Variants in TBCA observed in about 807,000 individuals in gnomAD.
The protein encoded by TBCA is tubulin-specific chaperone A.
TBCA carries 6 observed loss-of-function variants against 15.8 expected under a neutral mutation model. The ratio of observed to expected loss-of-function variants is 0.38; its 90% CI spans 0.21 to 0.75. The LOEUF is 0.75. TBCA is among the 30% of genes least tolerant of loss of function. TBCA has a pLI of 0.46. For synonymous variants in TBCA, 32 were observed against 42.3 expected (o/e 0.76, Z 0.94); for missense variants, 90 against 131.2 (o/e 0.69, Z 1.53).
chr5:77,771,811 T>C (rs746512853), intron 1 of TBCA, among the ~76,000 whole-genome samples: 31 of 152,326 alleles, frequency 2.0e-4, no homozygotes, highest in Non-Finnish European at 3.4e-4. Flanking sequence ...CCAGGTCTAA[T>C]CAGAAACTAA....
intron 1 of TBCA, among the ~76,000 whole-genome samples, chr5:77,708,955 T>A (rs926561922): frequency 1.3e-5 from 2 of 151,516 alleles, no homozygotes; most frequent in Non-Finnish European, 2.9e-5. Flanking sequence ...AAAATTAGTA[T>A]ATACCAATAT....
At chr5:77,734,151 C>CA (rs1239067888) in intron 1 of TBCA, among the ~76,000 whole-genome samples, 2 of 152,158 alleles carry the variant, frequency 1.3e-5, no homozygotes, top group Non-Finnish European at 2.9e-5. Flanking sequence ...CCTAGTCAGC[C>CA]AAAAGCTCTG....
intron 1 of TBCA, among the ~76,000 whole-genome samples, chr5:77,747,644 T>C (rs1194622953): frequency 6.6e-6 from 1 of 152,152 alleles, no homozygotes; most frequent in South Asian, 2.1e-4. Flanking sequence ...CGAATCACTT[T>C]CATCAGTTTA....
intron 1 of TBCA, among the ~76,000 whole-genome samples, chr5:77,720,470 T>C (rs555935233): frequency 8.5e-5 from 13 of 152,268 alleles, no homozygotes; most frequent in Non-Finnish European, 1.9e-4. Flanking sequence ...TCCCAGCACT[T>C]TGGGAGGCCG....
intron 1 of TBCA, among the ~76,000 whole-genome samples, chr5:77,743,863 G>C (rs185206895): frequency 4.1e-4 from 63 of 152,206 alleles, no homozygotes; most frequent in African/African-American, 1.5e-3. Context: ...GTAGGCACTA[G>C]GCATATAATG....
At chr5:77,734,896 G>A (rs907300832) in intron 1 of TBCA, among the ~76,000 whole-genome samples, 2 of 152,196 alleles carry the variant, frequency 1.3e-5, no homozygotes, top group African/African-American at 4.8e-5. Flanking sequence ...AGCCATCAAC[G>A]TTGAGGCAAG....
intron 2 of TBCA, among the ~76,000 whole-genome samples, chr5:77,698,707 C>T (rs187307413): frequency 6.6e-6 from 1 of 152,224 alleles, no homozygotes; most frequent in African/African-American, 2.4e-5. Context: ...TACAGCAACA[C>T]CACACAAAGA....
chr5:77,744,963 G>GT (rs975807975), intron 1 of TBCA, among the ~76,000 whole-genome samples: 26 of 152,278 alleles, frequency 1.7e-4, no homozygotes, highest in African/African-American at 6.3e-4. Context: ...TCCCAGCTGT[G>GT]TATCTTTGGG....
At chr5:77,728,441 A>G (rs1746679639) in intron 1 of TBCA, among the ~76,000 whole-genome samples, 1 of 152,220 alleles carries the variant, frequency 6.6e-6, no homozygotes, top group Non-Finnish European at 1.5e-5. Context: ...AACCAGTATT[A>G]TAAACAGCAA....
intron 1 of TBCA, among the ~76,000 whole-genome samples, chr5:77,730,942 A>T (rs1746754340): frequency 6.6e-6 from 1 of 152,204 alleles, no homozygotes. Context: ...CATGTGACAT[A>T]CTTTAAGCAA....
chr5:77,776,307 G>T lies in TBCA; in HGVS notation c.-50C>A, dbSNP rs373845989. 236 of 1,552,744 alleles carry T rather than the reference G, an allele frequency of 1.5e-4. No individual in the cohort carries two copies. In the African/African-American group the frequency reaches 2.9e-3, roughly 19 times the overall value. On this transcript the variant is annotated 5_prime_UTR_variant, in exon 1 of 4. Transcript: ENST00000380377. ...AGGGGCGGAGAGCCGGGGTAACCGTGGAGGGCGACGCGCAGAGGCTGCGGC... is the reference window on the plus strand; with the variant it reads ...AGGGGCGGAGAGCCGGGGTAACCGTTGAGGGCGACGCGCAGAGGCTGCGGC...
At chr5:77,775,478 C>A (rs534728663) in intron 1 of TBCA, among the ~76,000 whole-genome samples, 21 of 152,346 alleles carry the variant, frequency 1.4e-4, no homozygotes, top group Non-Finnish European at 1.6e-4. Flanking sequence ...GCCTTGGGCA[C>A]ATGTCATCAG....
chr5:77,736,755 A>T (rs749254948), intron 1 of TBCA, among the ~76,000 whole-genome samples: 1 of 152,278 alleles, frequency 6.6e-6, no homozygotes, highest in Non-Finnish European at 1.5e-5. Flanking sequence ...TCAACTCACC[A>T]ATCAGTGGAA....
At chr5:77,709,567 C>A (rs1304725169) in intron 1 of TBCA, among the ~76,000 whole-genome samples, 1 of 152,132 alleles carries the variant, frequency 6.6e-6, no homozygotes, top group Non-Finnish European at 1.5e-5. Flanking sequence ...AAATTGGAGC[C>A]ATCAAACATT....
At chr5:77,715,104 C>A in intron 1 of TBCA, 1 of 611,632 alleles carries the variant, frequency 1.6e-6, no homozygotes, top group Non-Finnish European at 2.9e-6. Context: ...GAGAAGAGGA[C>A]ACATGAGTTA....
intron 1 of TBCA, among the ~76,000 whole-genome samples, chr5:77,743,441 C>T (rs768659801): frequency 1.3e-5 from 2 of 152,216 alleles, no homozygotes; most frequent in Non-Finnish European, 2.9e-5. Context: ...CTGGAAGAGT[C>T]ATCAGACTAC....
At chr5:77,759,042 T>C (rs1409911718) in intron 1 of TBCA, among the ~76,000 whole-genome samples, 2 of 152,294 alleles carry the variant, frequency 1.3e-5, no homozygotes, top group East Asian at 3.9e-4. Flanking sequence ...CACCTGACGG[T>C]CACCTGACAC....
chr5:77,724,275 C>G (rs1746584715), intron 1 of TBCA, among the ~76,000 whole-genome samples: 1 of 152,040 alleles, frequency 6.6e-6, no homozygotes, highest in South Asian at 2.1e-4. Context: ...ATGATCTACT[C>G]TCTCCAAAGA....
intron 1 of TBCA, among the ~76,000 whole-genome samples, chr5:77,756,339 T>C (rs1380744135): frequency 6.6e-6 from 1 of 150,638 alleles, no homozygotes; most frequent in African/African-American, 2.5e-5. Context: ...GGGAGTTCCC[T>C]GTAGGGCTGC....
Sources: gnomAD v4.1 joint callset for allele counts (sites outside exome capture counted in the v4.1 genomes callset) on GRCh38, gnomAD v4.1.1 for gene constraint, MANE v1.5 for transcripts, NCBI Gene and HGNC (gene_info 2026-07-23, HGNC 2026-07-21) for gene names.